Variants in ADCY2 observed in about 807,000 individuals in gnomAD.
ADCY2 encodes the protein adenylate cyclase 2, also known as adenylate cyclase type 2.
Under a neutral mutation model 125.2 loss-of-function variants are expected in ADCY2, and 31 were observed. That is an observed-to-expected ratio of 0.25 (90% CI 0.19 to 0.33). The LOEUF is 0.33. ADCY2 is among the 10% of genes least tolerant of loss of function. The pLI, the probability that ADCY2 is intolerant of heterozygous loss-of-function variation, is 1.00. For synonymous variants in ADCY2, 512 were observed against 548.4 expected (o/e 0.93, Z 0.93); for missense variants, 904 against 1,418.2 (o/e 0.64, Z 5.82).
chr5:7,822,585 A>G (rs762503635), intron 24 of ADCY2, among the ~76,000 whole-genome samples: 1 of 152,234 alleles, frequency 6.6e-6, no homozygotes, highest in Non-Finnish European at 1.5e-5. Flanking sequence ...GTGAAATTCA[A>G]TCTGCCTTCC....
At chr5:7,685,071 C>T (rs1740472172) in intron 4 of ADCY2, 1 of 152,308 alleles carries the variant, frequency 6.6e-6, no homozygotes, top group Non-Finnish European at 1.5e-5. Context: ...AAGTCAGAGA[C>T]ACTGCAAGGA....
intron 2 of ADCY2, among the ~76,000 whole-genome samples, chr5:7,453,927 A>G (rs1447213255): frequency 6.6e-6 from 1 of 152,148 alleles, no homozygotes; most frequent in African/African-American, 2.4e-5. Flanking sequence ...CACCTGTGTG[A>G]GCCCACTCAC....
chr5:7,585,798 A>C (rs1172538069), intron 3 of ADCY2, among the ~76,000 whole-genome samples: 1 of 152,206 alleles, frequency 6.6e-6, no homozygotes, highest in African/African-American at 2.4e-5. Context: ...TGAATTGCAC[A>C]CCAGAACTGC....
At chr5:7,813,011 A>G (rs1247533738) in intron 22 of ADCY2, among the ~76,000 whole-genome samples, 1 of 152,258 alleles carries the variant, frequency 6.6e-6, no homozygotes, top group Non-Finnish European at 1.5e-5. Flanking sequence ...CCACACAGCT[A>G]ATGATTGAAG....
chr5:7,539,181 G>A (rs987653266), intron 3 of ADCY2, among the ~76,000 whole-genome samples: 6 of 151,912 alleles, frequency 3.9e-5, no homozygotes, highest in Admixed American at 1.3e-4. Flanking sequence ...ATAAATTTTA[G>A]CCACATTGTA....
intron 3 of ADCY2, among the ~76,000 whole-genome samples, chr5:7,625,227 C>T (rs924698555): frequency 2.6e-5 from 4 of 152,146 alleles, no homozygotes; most frequent in African/African-American, 7.2e-5. Flanking sequence ...ATGATACAGT[C>T]ACAGAACTGA....
At chr5:7,559,304 G>A (rs1579572845) in intron 3 of ADCY2, among the ~76,000 whole-genome samples, 1 of 152,240 alleles carries the variant, frequency 6.6e-6, no homozygotes, top group Non-Finnish European at 1.5e-5. Context: ...TTCCTATCCA[G>A]AAGCATGGAA....
intron 6 of ADCY2, among the ~76,000 whole-genome samples, chr5:7,697,426 A>G (rs1400225606): frequency 2.0e-5 from 3 of 152,124 alleles, no homozygotes; most frequent in African/African-American, 7.2e-5. Context: ...CAGCAAACAG[A>G]TACCCCAGTG....
At chr5:7,672,149 C>T (rs1233217979) in intron 4 of ADCY2, among the ~76,000 whole-genome samples, 1 of 152,188 alleles carries the variant, frequency 6.6e-6, no homozygotes, top group East Asian at 1.9e-4. Flanking sequence ...AAAGCTACCA[C>T]ACTCTCCTTC....
intron 4 of ADCY2, among the ~76,000 whole-genome samples, chr5:7,674,004 G>A (rs1426788231): frequency 6.6e-6 from 1 of 152,172 alleles, no homozygotes; most frequent in East Asian, 1.9e-4. Context: ...ACTGGAAGAT[G>A]AAGGAGGAGG....
In ADCY2 at chr5:7,601,451, C is replaced by T. The variant is rs56982717; in HGVS notation, c.571-24716C>T. Among the ~76,000 whole-genome samples the T allele has an allele frequency of 1.2e-4, 18 of 152,262 alleles. No homozygotes were observed. The East Asian group carries it at 2.5e-3, about 21-fold the overall frequency. On this transcript the variant is annotated intron_variant, in intron 3 of 24. Transcript: ENST00000338316. ...ATCTGGCACTAAGATTTAGGTAGGA[C>T]GGTAACTTTTGTACAGACTCTAGAA... is the stretch of plus-strand genomic sequence containing the variant.
intron 4 of ADCY2, 112 bp from the exon 5 acceptor site, chr5:7,690,579 G>T (rs1440859060): frequency 1.1e-5 from 11 of 977,416 alleles, no homozygotes; most frequent in East Asian, 3.1e-5. Flanking sequence ...TAGCTTCCAG[G>T]AAAGAATTCC....
chr5:7,735,226 C>A (rs1742213185), intron 14 of ADCY2, among the ~76,000 whole-genome samples: 1 of 152,180 alleles, frequency 6.6e-6, no homozygotes, highest in South Asian at 2.1e-4. Context: ...AAGTCTGAAT[C>A]TCAGGTTGTC....
intron 14 of ADCY2, among the ~76,000 whole-genome samples, chr5:7,743,279 A>G (rs1325816712): frequency 1.3e-5 from 2 of 151,940 alleles, no homozygotes; most frequent in African/African-American, 2.4e-5. Flanking sequence ...CTTCCAGGCT[A>G]TCAAGGTGAG....
At chr5:7,809,996 G>A (rs905542292) in intron 22 of ADCY2, among the ~76,000 whole-genome samples, 7 of 152,118 alleles carry the variant, frequency 4.6e-5, no homozygotes, top group African/African-American at 1.2e-4. Context: ...TTTAGTGGTC[G>A]GTAGAAAATG....
At chr5:7,479,464 G>T (rs1195229729) in intron 2 of ADCY2, among the ~76,000 whole-genome samples, 1 of 151,840 alleles carries the variant, frequency 6.6e-6, no homozygotes, top group African/African-American at 2.4e-5. Context: ...ATTTTTGTGG[G>T]TACATAGGTA....
chr5:7,504,363 G>T (rs567347712), intron 2 of ADCY2, among the ~76,000 whole-genome samples: 23 of 152,276 alleles, frequency 1.5e-4, no homozygotes, highest in Admixed American at 8.5e-4. Context: ...AACCAACTGA[G>T]TCTATTTCAA....
intron 6 of ADCY2, among the ~76,000 whole-genome samples, chr5:7,697,524 A>G (rs1046459131): frequency 2.6e-5 from 4 of 152,220 alleles, no homozygotes; most frequent in Non-Finnish European, 4.4e-5. Context: ...TTCTAGTCTC[A>G]GAATAGCTGT....
intron 3 of ADCY2, among the ~76,000 whole-genome samples, chr5:7,603,784 C>CTTTTTTTTTTTTTTTTTTTGTTTTTTT (rs1737300464): frequency 1.6e-5 from 1 of 62,800 alleles, no homozygotes; most frequent in Non-Finnish European, 2.7e-5. Context: ...TGCTCTCTTT[C>CTTTTTTTTTTTTTTTTTTTGTTTTTTT]TTTTTTTTTT....
Sources: gnomAD v4.1 joint callset for allele counts (sites outside exome capture counted in the v4.1 genomes callset) on GRCh38, gnomAD v4.1.1 for gene constraint, MANE v1.5 for transcripts, NCBI Gene and HGNC (gene_info 2026-07-23, HGNC 2026-07-21) for gene names.